Variants in NEK5 observed in about 807,000 individuals in gnomAD.
NEK5 encodes the protein NIMA related kinase 5, also known as serine/threonine-protein kinase Nek5.
A neutral mutation model predicts 109.2 loss-of-function variants in NEK5; 88 were observed. The observed-to-expected ratio is 0.81, with a 90% CI of 0.68 to 0.96. The LOEUF (loss-of-function observed/expected upper bound fraction) is 0.96, where lower values mean the gene tolerates loss of function less well. Among genes scored for constraint, NEK5 ranks in the 40% least tolerant of loss-of-function variants. The pLI is 0.00. For missense variants in NEK5, 834 were observed against 920.7 expected (o/e 0.91, Z 1.22); for synonymous variants, 283 against 299.9 (o/e 0.94, Z 0.58).
chr13:52,051,740 C>A (rs1373034727), intron 22 of NEK5, among the ~76,000 whole-genome samples: 4 of 152,158 alleles, frequency 2.6e-5, no homozygotes, highest in African/African-American at 7.2e-5. Flanking sequence ...AACCTGCCTC[C>A]CATTTTATTC....
intron 4 of NEK5, among the ~76,000 whole-genome samples, chr13:52,115,070 T>C (rs1388219603): frequency 6.6e-6 from 1 of 151,112 alleles, no homozygotes; most frequent in East Asian, 2.0e-4. Flanking sequence ...TGGAGTGCAG[T>C]GGCGCAATCT....
intron 17 of NEK5, among the ~76,000 whole-genome samples, chr13:52,076,858 A>T (rs958769065): frequency 2.6e-5 from 4 of 152,184 alleles, no homozygotes; most frequent in African/African-American, 9.7e-5. Flanking sequence ...AACCCTCAAA[A>T]TGGGTTAGCA....
At chr13:52,084,754 AGAGAGAGAGTGTGTGTGT>A (rs1955097430) in intron 16 of NEK5, among the ~76,000 whole-genome samples, 5 of 51,438 alleles carry the variant, frequency 9.7e-5, no homozygotes, top group African/African-American at 2.1e-4. Flanking sequence ...AGAGAGAGAG[AGAGAGAGAGTGTGTGTGT>A]GTGTGTGTGT....
At chr13:52,076,921 G>A (rs1047631799) in intron 17 of NEK5, among the ~76,000 whole-genome samples, 1 of 152,208 alleles carries the variant, frequency 6.6e-6, no homozygotes, top group Non-Finnish European at 1.5e-5. Context: ...CATTTTACTG[G>A]AGTAGGATAG....
At chr13:52,115,015 C>CTT (rs765435593) in intron 4 of NEK5, among the ~76,000 whole-genome samples, 5 of 141,780 alleles carry the variant, frequency 3.5e-5, no homozygotes, top group Admixed American at 7.1e-5. Flanking sequence ...ACAGAGATAC[C>CTT]TTTTTTTTTT....
Position 52,071,892 on chromosome 13 carries a change from G to T in NEK5, c.1849+52C>A, listed in dbSNP as rs528430415. 4.6e-5 allele frequency: 72 copies of T among 1,553,746 alleles called. No homozygotes were observed. The South Asian group carries it at 7.2e-4, about 15-fold the overall frequency. ...ATGCATGGGGACAGAGTTCAAAATG[G>T]GTTGCTAATAAAACAGTTCCTTCTC... On this transcript the variant is annotated intron_variant, in intron 20 of 23. Coordinates refer to ENST00000684899, the MANE Select transcript of NEK5 (RefSeq NM_001365552.1).
intron 4 of NEK5, among the ~76,000 whole-genome samples, chr13:52,116,553 C>T (rs1212268827): frequency 6.6e-6 from 1 of 152,176 alleles, no homozygotes; most frequent in Non-Finnish European, 1.5e-5. Flanking sequence ...CCATGAGCCA[C>T]AGATAACAGT....
intron 4 of NEK5, among the ~76,000 whole-genome samples, chr13:52,118,580 G>T (rs9535870): frequency 1.3e-3 from 203 of 152,206 alleles, no homozygotes; most frequent in African/African-American, 4.4e-3. Context: ...ACAGTGATGC[G>T]TGGAGGCAGA....
At chr13:52,085,976 T>C (rs1183179581) in intron 16 of NEK5, among the ~76,000 whole-genome samples, 1 of 152,148 alleles carries the variant, frequency 6.6e-6, no homozygotes, top group Non-Finnish European at 1.5e-5. Flanking sequence ...TGGTCTAAAG[T>C]TGCCACTCAA....
intron 10 of NEK5, 35 bp downstream of exon 10, chr13:52,102,057 T>C (rs1264907334): frequency 6.2e-7 from 1 of 1,612,392 alleles, no homozygotes; most frequent in Non-Finnish European, 8.5e-7. Flanking sequence ...ACCCAAAATC[T>C]CTGCCAAAAT....
chr13:52,058,459 G>A (rs1426277475), intron 22 of NEK5, among the ~76,000 whole-genome samples: 2 of 150,254 alleles, frequency 1.3e-5, no homozygotes, highest in African/African-American at 4.9e-5. Flanking sequence ...CTACTTTAAA[G>A]TTCATATGGA....
intron 4 of NEK5, among the ~76,000 whole-genome samples, chr13:52,115,702 A>G (rs1292412706): frequency 6.6e-6 from 1 of 150,526 alleles, no homozygotes; most frequent in Non-Finnish European, 1.5e-5. Context: ...TGTTAATTTT[A>G]TATTTATTGG....
intron 3 of NEK5, among the ~76,000 whole-genome samples, chr13:52,122,232 C>G (rs1235647754): frequency 2.0e-5 from 3 of 152,170 alleles, no homozygotes; most frequent in African/African-American, 7.2e-5. Context: ...TCAGCTCTTT[C>G]ACTTGTACAG....
chr13:52,120,282 G>C (rs1257495935), intron 3 of NEK5, among the ~76,000 whole-genome samples: 1 of 151,998 alleles, frequency 6.6e-6, no homozygotes, highest in Non-Finnish European at 1.5e-5. Flanking sequence ...AAATTGTATA[G>C]TCAGTACATA....
intron 12 of NEK5, among the ~76,000 whole-genome samples, chr13:52,095,462 T>A (rs140222649): frequency 2.2e-3 from 335 of 152,370 alleles, no homozygotes; most frequent in Non-Finnish European, 3.8e-3. Context: ...TTCAAGGAAC[T>A]GGAAAAATGT....
intron 5 of NEK5, among the ~76,000 whole-genome samples, chr13:52,111,261 T>C (rs973902474): frequency 2.0e-5 from 3 of 152,154 alleles, no homozygotes; most frequent in African/African-American, 4.8e-5. Context: ...AGGAAAATAA[T>C]AGGAATAAAG....
At chr13:52,057,344 T>C (rs1310087067) in intron 22 of NEK5, among the ~76,000 whole-genome samples, 3 of 151,070 alleles carry the variant, frequency 2.0e-5, no homozygotes, top group African/African-American at 7.3e-5. Context: ...ACCAGATGGA[T>C]TCACAGCCGA....
chr13:52,064,734 G>C (rs1954659310), intron 21 of NEK5: 1 of 236,626 alleles, frequency 4.2e-6, no homozygotes. Flanking sequence ...TGTCTGTGTA[G>C]AAAGAAGTAG....
chr13:52,061,676 A>G (rs889050695), intron 22 of NEK5, 143 bp downstream of exon 22: 8 of 178,554 alleles, frequency 4.5e-5, no homozygotes, highest in Non-Finnish European at 1.1e-5. Flanking sequence ...AGGATTGGAC[A>G]AAGCAAATCA....
Sources: allele counts gnomAD v4.1 joint callset (sites outside exome capture counted in the v4.1 genomes callset), GRCh38; gene constraint gnomAD v4.1.1; transcripts MANE v1.5; gene names NCBI Gene and HGNC (gene_info 2026-07-23, HGNC 2026-07-21).